Variants in ITGBL1 observed in about 807,000 individuals in gnomAD.
ITGBL1 encodes the protein integrin beta-like protein 1.
In ITGBL1, 51 loss-of-function variants were observed where a neutral mutation model predicts 68.5. The observed-to-expected ratio is 0.74, with a 90% confidence interval of 0.59 to 0.94. The LOEUF is 0.94. ITGBL1 is among the 40% of genes least tolerant of loss of function. ITGBL1 has a pLI of 0.00. For missense variants in ITGBL1, 649 were observed against 647.4 expected (o/e 1.00, Z -0.03); for synonymous variants, 209 against 227.3 (o/e 0.92, Z 0.72).
intron 2 of ITGBL1, among the ~76,000 whole-genome samples, chr13:101,545,832 T>A (rs952088944): frequency 5.9e-5 from 9 of 152,240 alleles, no homozygotes; most frequent in Non-Finnish European, 1.3e-4. Flanking sequence ...CTCTGACTGT[T>A]GTATGTTCAG....
chr13:101,716,102 A>C lies in ITGBL1; in HGVS notation c.*448A>C, dbSNP rs1426463813. On this transcript the variant is annotated 3_prime_UTR_variant, in exon 11 of 11. Coordinates refer to ENST00000376180, the MANE Select transcript of ITGBL1 (RefSeq NM_004791.3). ...GGCTCAAACTGAGAAACATTGAGTTATATGGCTATTAGAAATCCACATTCT... is the reference window on the plus strand; with the variant it reads ...GGCTCAAACTGAGAAACATTGAGTTCTATGGCTATTAGAAATCCACATTCT... The C allele has an allele frequency of 6.5e-6, 1 of 153,268 alleles. No homozygotes were observed. The highest frequency in any genetic ancestry group is 1.5e-5 in the Non-Finnish European group (1 of 68,834). 9.5% of individuals were successfully genotyped at this position (153,268 alleles called of 1,614,324 possible). A position where few individuals can be genotyped will look rare whatever the true frequency, so the allele number is the denominator to read the frequency against.
chr13:101,623,570 G>A (rs1054769851), intron 7 of ITGBL1, among the ~76,000 whole-genome samples: 1 of 152,092 alleles, frequency 6.6e-6, no homozygotes, highest in East Asian at 1.9e-4. Flanking sequence ...CAGATTCCTG[G>A]TAAGATGATT....
At chr13:101,519,861 G>A (rs959851289) in intron 2 of ITGBL1, among the ~76,000 whole-genome samples, 1 of 152,046 alleles carries the variant, frequency 6.6e-6, no homozygotes, top group Non-Finnish European at 1.5e-5. Flanking sequence ...TTAGCAAATG[G>A]GATAGAAGGA....
At chr13:101,488,623 A>T (rs181707900) in intron 2 of ITGBL1, among the ~76,000 whole-genome samples, 1 of 152,308 alleles carries the variant, frequency 6.6e-6, no homozygotes, top group East Asian at 1.9e-4. Flanking sequence ...TTTACTGAGC[A>T]TGTACTGTGT....
chr13:101,677,578 A>G (rs1343559192), intron 7 of ITGBL1, among the ~76,000 whole-genome samples: 1 of 152,222 alleles, frequency 6.6e-6, no homozygotes, highest in African/African-American at 2.4e-5. Context: ...CAGACTCCAG[A>G]GCACAAACGA....
chr13:101,563,088 A>G (rs565419334), intron 2 of ITGBL1, among the ~76,000 whole-genome samples: 77 of 151,456 alleles, frequency 5.1e-4, no homozygotes, highest in Non-Finnish European at 2.4e-4. Flanking sequence ...TTTATAAATA[A>G]AAATATTTAA....
At chr13:101,533,157 G>T (rs1367974838) in intron 2 of ITGBL1, among the ~76,000 whole-genome samples, 1 of 152,150 alleles carries the variant, frequency 6.6e-6, no homozygotes, top group Non-Finnish European at 1.5e-5. Context: ...TAGGGTGAAA[G>T]TTCCTCAGCA....
At chr13:101,508,413 G>A (rs1641378041) in intron 2 of ITGBL1, among the ~76,000 whole-genome samples, 1 of 152,100 alleles carries the variant, frequency 6.6e-6, no homozygotes, top group African/African-American at 2.4e-5. Flanking sequence ...ACTGGTAGGA[G>A]TTATTGAATT....
intron 6 of ITGBL1, among the ~76,000 whole-genome samples, chr13:101,586,058 G>C (rs897987428): frequency 3.3e-5 from 5 of 152,072 alleles, no homozygotes; most frequent in Admixed American, 3.3e-4. Flanking sequence ...TTCAATCCTC[G>C]TGTAAGCTTG....
intron 7 of ITGBL1, among the ~76,000 whole-genome samples, chr13:101,691,908 C>T (rs929034128): frequency 2.0e-5 from 3 of 152,152 alleles, no homozygotes; most frequent in Admixed American, 1.3e-4. Flanking sequence ...TAGTGTTTGA[C>T]ACATAGTTAC....
chr13:101,682,538 T>A (rs1048932478), intron 7 of ITGBL1, among the ~76,000 whole-genome samples: 1 of 152,074 alleles, frequency 6.6e-6, no homozygotes, highest in African/African-American at 2.4e-5. Context: ...TTATTTCAAG[T>A]TTGCAGTTAA....
At chr13:101,463,911 T>C (rs1490094821) in intron 2 of ITGBL1, among the ~76,000 whole-genome samples, 1 of 150,864 alleles carries the variant, frequency 6.6e-6, no homozygotes, top group Non-Finnish European at 1.5e-5. Context: ...AGTTCTTTTT[T>C]TTTTTTTTTT....
intron 8 of ITGBL1, among the ~76,000 whole-genome samples, chr13:101,698,241 CTG>C (rs748082876): frequency 6.6e-6 from 1 of 152,118 alleles, no homozygotes; most frequent in African/African-American, 2.4e-5. Context: ...AAATCAGGGA[CTG>C]TCTTAGCATT....
chr13:101,476,202 T>C (rs1437246057), intron 2 of ITGBL1, among the ~76,000 whole-genome samples: 1 of 145,836 alleles, frequency 6.9e-6, no homozygotes, highest in Non-Finnish European at 1.5e-5. Flanking sequence ...GTGGATGAAG[T>C]TAGTGTAGAG....
chr13:101,506,143 AATACTTCAG>A (rs2049023593), intron 2 of ITGBL1, among the ~76,000 whole-genome samples: 1 of 152,196 alleles, frequency 6.6e-6, no homozygotes, highest in Non-Finnish European at 1.5e-5. Context: ...GACATTCAAG[AATACTTCAG>A]ATGTCCTAAA....
At chr13:101,643,890 C>T (rs2032472063) in intron 7 of ITGBL1, among the ~76,000 whole-genome samples, 2 of 152,300 alleles carry the variant, frequency 1.3e-5, no homozygotes, top group South Asian at 4.1e-4. Context: ...TACAACTTCT[C>T]AATGAATACC....
chr13:101,471,199 G>T (rs1174535724), intron 2 of ITGBL1, among the ~76,000 whole-genome samples: 2 of 152,136 alleles, frequency 1.3e-5, no homozygotes, highest in Non-Finnish European at 2.9e-5. Context: ...AGACTATATG[G>T]GTTCCAAAAC....
chr13:101,688,565 A>C (rs2033809257), intron 7 of ITGBL1, among the ~76,000 whole-genome samples: 1 of 152,206 alleles, frequency 6.6e-6, no homozygotes, highest in East Asian at 1.9e-4. Flanking sequence ...CTTTGCTTTG[A>C]AGGTTACATG....
chr13:101,658,542 G>C (rs1239703543), intron 7 of ITGBL1, among the ~76,000 whole-genome samples: 1 of 152,060 alleles, frequency 6.6e-6, no homozygotes, highest in African/African-American at 2.4e-5. Flanking sequence ...GGTGATTTTA[G>C]TGCATATACA....
Sources: gnomAD v4.1 joint callset for allele counts (sites outside exome capture counted in the v4.1 genomes callset) on GRCh38, gnomAD v4.1.1 for gene constraint, MANE v1.5 for transcripts, NCBI Gene and HGNC (gene_info 2026-07-23, HGNC 2026-07-21) for gene names.